The following NKAIN3 variants were observed in gnomAD, a reference collection of about 807,000 sequenced individuals.
NKAIN3 encodes the protein sodium/potassium-transporting ATPase subunit beta-1-interacting protein 3.
Under a neutral mutation model 30.2 loss-of-function variants are expected in NKAIN3, and 25 were observed. The observed-to-expected ratio is 0.83, with a 90% CI of 0.60 to 1.16. NKAIN3 has a LOEUF of 1.16. Among genes scored for constraint, NKAIN3 ranks in the 50% most tolerant of loss-of-function variants. The pLI, the probability that NKAIN3 is intolerant of heterozygous loss-of-function variation, is 0.00. For synonymous variants in NKAIN3, 91 were observed against 89.6 expected, an observed-to-expected ratio of 1.02 and a Z score of -0.09; for missense variants, 225 against 254.1, an observed-to-expected ratio of 0.89 and a Z score of 0.78.
chr8:62,670,069 A>G (rs1373471485), intron 3 of NKAIN3, among the ~76,000 whole-genome samples: 1 of 152,190 alleles, frequency 6.6e-6, no homozygotes, highest in Non-Finnish European at 1.5e-5. Flanking sequence ...CAAAGACAAC[A>G]CAATTAGAAT....
intron 3 of NKAIN3, among the ~76,000 whole-genome samples, chr8:62,707,108 T>C (rs538786551): frequency 6.6e-6 from 1 of 151,360 alleles, no homozygotes; most frequent in South Asian, 2.1e-4. Context: ...TAAAACACAG[T>C]CTCCTTATCC....
chr8:62,508,846 T>A lies in NKAIN3; in HGVS notation c.55-70693T>A, dbSNP rs1807726482. Among the ~76,000 whole-genome samples, 3 of 139,032 alleles carry A rather than the reference T, an allele frequency of 2.2e-5. No homozygotes were observed. The South Asian group carries it at 6.4e-4, about 30-fold the overall frequency. The allele number at this position is 139,032 out of a possible 152,430, so 91.2% of individuals were successfully genotyped here. A position where few individuals can be genotyped will look rare whatever the true frequency, so the allele number is the denominator to read the frequency against. ...ACATACACCAATTTCAAGTGTGTGG[T>A]GGAATGAATTTTCACGAAGTCAGGG... On this transcript the variant is annotated intron_variant, in intron 1 of 6. Coordinates refer to ENST00000623646, the MANE Select transcript of NKAIN3 (RefSeq NM_001304533.3).
chr8:62,646,138 G>GAAAAAAAAAAAAAAAAAA (rs75073790), intron 3 of NKAIN3, among the ~76,000 whole-genome samples: 1 of 116,190 alleles, frequency 8.6e-6, no homozygotes. Flanking sequence ...CCTCATTCTG[G>GAAAAAAAAAAAAAAAAAA]AAAAAAAAAA....
chr8:62,638,105 G>A (rs984778990), intron 3 of NKAIN3, among the ~76,000 whole-genome samples: 1 of 152,082 alleles, frequency 6.6e-6, no homozygotes, highest in Non-Finnish European at 1.5e-5. Context: ...AACTATGAGT[G>A]TTCCTAGTAT....
chr8:62,250,746 G>A (rs142796711), intron 1 of NKAIN3, among the ~76,000 whole-genome samples: 38 of 152,282 alleles, frequency 2.5e-4, no homozygotes, highest in African/African-American at 6.7e-4. Context: ...TCATCCATCA[G>A]CCAAGCATGC....
rs1259003997 is a variant in NKAIN3, at chr8:62,984,042, G to T, written c.*18635G>T. On this transcript the variant is annotated 3_prime_UTR_variant, in exon 7 of 7. Transcript: ENST00000623646. ...GTGCCTGGGTAACCATGATGTAATT[G>T]CAGATTGACACATCTTTGGGTTTTT... The T allele has an allele frequency of 2.6e-5, 4 of 152,188 alleles. No homozygotes were observed. Among genetic ancestry groups the T allele is most frequent in the Non-Finnish European group, 5.9e-5 (4 of 68,040 alleles). 9.4% of individuals were successfully genotyped at this position (152,188 alleles called of 1,614,324 possible). A position where few individuals can be genotyped will look rare whatever the true frequency, so the allele number is the denominator to read the frequency against.
intron 3 of NKAIN3, among the ~76,000 whole-genome samples, chr8:62,693,487 C>A (rs1358987236): frequency 6.6e-6 from 1 of 152,142 alleles, no homozygotes; most frequent in Non-Finnish European, 1.5e-5. Flanking sequence ...AAAGGCTTAG[C>A]CCATCTGCAT....
chr8:62,510,992 C>G (rs1410262656), intron 1 of NKAIN3, among the ~76,000 whole-genome samples: 2 of 152,100 alleles, frequency 1.3e-5, no homozygotes, highest in Non-Finnish European at 2.9e-5. Context: ...CAGGTCCTCT[C>G]TTCTCAGTCC....
chr8:62,294,779 T>TCCCACCTCAGCCTCC (rs1813772638), intron 1 of NKAIN3, among the ~76,000 whole-genome samples: 1 of 152,120 alleles, frequency 6.6e-6, no homozygotes, highest in Non-Finnish European at 1.5e-5. Flanking sequence ...TGGTGGGCTC[T>TCCCACCTCAGCCTCC]AGCTATTCTC....
chr8:62,300,794 G>A (rs1167860786), intron 1 of NKAIN3, among the ~76,000 whole-genome samples: 2 of 152,176 alleles, frequency 1.3e-5, no homozygotes, highest in African/African-American at 4.8e-5. Context: ...GTGTGATGGT[G>A]TTGGGAGCAC....
At chr8:62,823,962 G>A (rs967351663) in intron 4 of NKAIN3, among the ~76,000 whole-genome samples, 2 of 152,174 alleles carry the variant, frequency 1.3e-5, no homozygotes, top group Non-Finnish European at 2.9e-5. Flanking sequence ...TTGCATGAAT[G>A]AACACCTGGA....
At chr8:62,284,024 C>A (rs1293340852) in intron 1 of NKAIN3, among the ~76,000 whole-genome samples, 2 of 152,062 alleles carry the variant, frequency 1.3e-5, no homozygotes, top group African/African-American at 4.8e-5. Context: ...GCCTTCCTAC[C>A]TGCTCATTAT....
In NKAIN3 at chr8:62,966,520, C is replaced by A. The variant is rs542867755; in HGVS notation, c.*1113C>A. ...TGAAAAATGTACATACCCATGTAACCAAGGCCTCAATCAAAATGCAGAACA... is the reference window on the plus strand; with the variant it reads ...TGAAAAATGTACATACCCATGTAACAAAGGCCTCAATCAAAATGCAGAACA... On this transcript the variant is annotated 3_prime_UTR_variant, in exon 7 of 7. Coordinates refer to ENST00000623646, the MANE Select transcript of NKAIN3 (RefSeq NM_001304533.3). 2 of 369,552 alleles carry A rather than the reference C, an allele frequency of 5.4e-6. No homozygotes were observed. Among genetic ancestry groups the A allele is most frequent in the Non-Finnish European group, 7.5e-6 (2 of 267,220 alleles). The allele number at this position is 369,552 out of a possible 1,614,324, so 22.9% of individuals were successfully genotyped here. A position where few individuals can be genotyped will look rare whatever the true frequency, so the allele number is the denominator to read the frequency against.
intron 1 of NKAIN3, among the ~76,000 whole-genome samples, chr8:62,468,638 A>G (rs967686448): frequency 1.3e-5 from 2 of 152,238 alleles, no homozygotes; most frequent in African/African-American, 4.8e-5. Context: ...GCCATTTGCT[A>G]AAAGTGAAAA....
chr8:62,376,701 G>A (rs1431236531), intron 1 of NKAIN3, among the ~76,000 whole-genome samples: 3 of 152,022 alleles, frequency 2.0e-5, no homozygotes, highest in African/African-American at 7.2e-5. Flanking sequence ...ATATTCAAAT[G>A]TTCAGCCTAG....
intron 6 of NKAIN3, among the ~76,000 whole-genome samples, chr8:62,958,322 T>C (rs1324568645): frequency 1.3e-5 from 2 of 152,094 alleles, no homozygotes; most frequent in African/African-American, 2.4e-5. Flanking sequence ...TATCTGGGTC[T>C]GGCCTGGGGA....
At chr8:62,830,994 G>A (rs764164730) in intron 4 of NKAIN3, among the ~76,000 whole-genome samples, 5 of 152,140 alleles carry the variant, frequency 3.3e-5, no homozygotes, top group Non-Finnish European at 7.3e-5. Context: ...CCACGTATCA[G>A]CCCATTGCTT....
intron 3 of NKAIN3, among the ~76,000 whole-genome samples, chr8:62,739,133 G>C (rs1197041921): frequency 6.6e-6 from 1 of 152,076 alleles, no homozygotes; most frequent in Non-Finnish European, 1.5e-5. Flanking sequence ...GGCTAGGAGA[G>C]GAATAGCATT....
At chr8:62,464,290 GA>G (rs1258505341) in intron 1 of NKAIN3, among the ~76,000 whole-genome samples, 2 of 152,180 alleles carry the variant, frequency 1.3e-5, no homozygotes, top group African/African-American at 2.4e-5. Flanking sequence ...TTAAAACTCA[GA>G]AAGCTGGTGC....
Sources: gnomAD v4.1 joint callset for allele counts (sites outside exome capture counted in the v4.1 genomes callset) on GRCh38, gnomAD v4.1.1 for gene constraint, MANE v1.5 for transcripts, NCBI Gene and HGNC (gene_info 2026-07-23, HGNC 2026-07-21) for gene names.